The following SOS1 variants were observed in gnomAD, a reference collection of about 807,000 sequenced individuals.
SOS1 encodes son of sevenless homolog 1.
Under a neutral mutation model 157.6 loss-of-function variants are expected in SOS1, and 25 were observed. The ratio of observed to expected loss-of-function variants is 0.16; its 90% CI spans 0.12 to 0.22. SOS1 has a LOEUF of 0.22. SOS1 is among the 10% of genes least tolerant of loss of function. The probability of loss-of-function intolerance (pLI) is 1.00; values close to 1 mark genes in which losing one functional copy is unlikely to be tolerated. For synonymous variants in SOS1, 528 were observed against 534.0 expected (o/e 0.99, Z 0.16); for missense variants, 1,237 against 1,599.1 (o/e 0.77, Z 3.86).
chr2:39,026,302 C>G (rs1669959134), intron 8 of SOS1, among the ~76,000 whole-genome samples: 1 of 150,086 alleles, frequency 6.7e-6, no homozygotes, highest in African/African-American at 2.5e-5. Context: ...TTGCAGTGAG[C>G]CGTGATCGTG....
chr2:39,068,132 G>A (rs1671655337), intron 1 of SOS1, among the ~76,000 whole-genome samples: 1 of 151,984 alleles, frequency 6.6e-6, no homozygotes, highest in Non-Finnish European at 1.5e-5. Flanking sequence ...AATAAGAAGT[G>A]GGTTTGTATT....
At chr2:39,123,759 G>A (rs1359974667), upstream of SOS1, among the ~76,000 whole-genome samples, 1 of 152,224 alleles carries the variant, frequency 6.6e-6, no homozygotes, top group Non-Finnish European at 1.5e-5. Context: ...ATTGTCGAAG[G>A]AATAAAATGT....
chr2:39,103,969 C>A (rs963427791), intron 1 of SOS1, among the ~76,000 whole-genome samples: 18 of 152,064 alleles, frequency 1.2e-4, no homozygotes, highest in African/African-American at 4.3e-4. Context: ...ATCAAAAACA[C>A]AAACAACCAA....
At chr2:39,001,089 C>T (rs556325039) in intron 17 of SOS1, among the ~76,000 whole-genome samples, 4 of 152,304 alleles carry the variant, frequency 2.6e-5, no homozygotes, top group South Asian at 2.1e-4. Context: ...AACAGAGTCT[C>T]GCCTTGTCAC....
At chr2:39,111,063 T>C (rs1673414808) in intron 1 of SOS1, among the ~76,000 whole-genome samples, 1 of 152,188 alleles carries the variant, frequency 6.6e-6, no homozygotes, top group Non-Finnish European at 1.5e-5. Flanking sequence ...CGAAACCCTG[T>C]CTGTAATAAA....
At chr2:38,998,792 A>G (rs868604024) in intron 17 of SOS1, among the ~76,000 whole-genome samples, 1 of 152,022 alleles carries the variant, frequency 6.6e-6, no homozygotes, top group Middle Eastern at 3.4e-3. Context: ...TACTGATTAC[A>G]ATGCTTTGAG....
chr2:39,069,190 C>CAAAAAAAAAAAAAAA lies in SOS1; in HGVS notation c.88-1452_88-1438dup, dbSNP rs869178369. ...GGGAAAACCTGTCTCTACCAAAAAG[C>CAAAAAAAAAAAAAAA]AAAAAAAAAAAAAAAAAAAAAAAAA... is the stretch of plus-strand genomic sequence containing the variant. On this transcript the variant is annotated intron_variant, in intron 1 of 22. Transcript: ENST00000402219. Among the ~76,000 whole-genome samples the CAAAAAAAAAAAAAAA allele has an allele frequency of 8.6e-5, 4 of 46,760 alleles. 1 individual carries two copies. The highest frequency in any genetic ancestry group is 4.3e-4 in the Admixed American group (1 of 2,312). 30.7% of individuals were successfully genotyped at this position (46,760 alleles called of 152,430 possible).
At chr2:39,106,391 C>T (rs1415250432) in intron 1 of SOS1, among the ~76,000 whole-genome samples, 2 of 151,730 alleles carry the variant, frequency 1.3e-5, no homozygotes, top group Non-Finnish European at 2.9e-5. Flanking sequence ...GAGATCGAGA[C>T]CATCCCGGCT....
chr2:39,007,549 T>C (rs1344673430), intron 15 of SOS1: 1 of 209,708 alleles, frequency 4.8e-6, no homozygotes, highest in East Asian at 1.2e-4. Flanking sequence ...AAGAATTCTG[T>C]TGTGTTCTAT....
At chr2:39,028,066 C>G (rs754781688) in intron 8 of SOS1, among the ~76,000 whole-genome samples, 11 of 152,048 alleles carry the variant, frequency 7.2e-5, no homozygotes, top group Non-Finnish European at 1.6e-4. Context: ...CCTTGGCCTC[C>G]CAAAGTACTG....
At chr2:39,048,098 T>G (rs1670857742) in intron 6 of SOS1, among the ~76,000 whole-genome samples, 1 of 152,260 alleles carries the variant, frequency 6.6e-6, no homozygotes, top group Admixed American at 6.5e-5. Flanking sequence ...TTCTTACATC[T>G]AATGAAGTCC....
At chr2:39,036,098 G>C (rs774875243) in intron 6 of SOS1, among the ~76,000 whole-genome samples, 4 of 152,130 alleles carry the variant, frequency 2.6e-5, no homozygotes, top group Admixed American at 6.5e-5. Flanking sequence ...TACTGGTTTT[G>C]AAGATTTCTG....
chr2:38,995,014 G>A, intron 20 of SOS1, 109 bp downstream of exon 20: 2 of 848,052 alleles, frequency 2.4e-6, no homozygotes, highest in Non-Finnish European at 3.9e-6. Context: ...AATGGCATTT[G>A]ACTTAACTAC....
At position 38,989,342 on chromosome 2, in the gene SOS1, T is replaced by C. The variant is rs747050460; in HGVS notation, c.3347-28A>G. ...GTGAAAGGAAACAAGAAAAAGTAGATTTTTTTCTTTCATTGATATATTCAA... is the reference window on the plus strand; with the variant it reads ...GTGAAAGGAAACAAGAAAAAGTAGACTTTTTTCTTTCATTGATATATTCAA... On this transcript the variant is annotated intron_variant, in intron 20 of 22. Coordinates refer to ENST00000402219, the MANE Select transcript of SOS1 (RefSeq NM_005633.4). 8.5e-6 allele frequency: 13 copies of C among 1,536,596 alleles called. No individual in the cohort carries two copies. The Admixed American group carries it at 2.2e-4, about 26-fold the overall frequency.
chr2:39,049,675 CT>C (rs1670928393), intron 6 of SOS1, among the ~76,000 whole-genome samples: 1 of 152,028 alleles, frequency 6.6e-6, no homozygotes, highest in African/African-American at 2.4e-5. Flanking sequence ...GTTTTGTTTC[CT>C]TTTTTTCTCC....
In SOS1 at chr2:39,094,920, G is replaced by A. The variant is rs111524086; in HGVS notation, c.87+25416C>T. 2.6e-3 allele frequency among the ~76,000 whole-genome samples: 400 copies of A among 152,206 alleles called. 4 individuals are homozygous for A. The highest frequency in any genetic ancestry group is 8.9e-3 in the African/African-American group (370 of 41,530). ...CAAGCCATAAACCTGTTAGTCCAGT[G>A]GTTTTCAAAACTTTTAGATGGAGAG... On this transcript the variant is annotated intron_variant, in intron 1 of 22. Coordinates refer to ENST00000402219, the MANE Select transcript of SOS1 (RefSeq NM_005633.4).
intron 2 of SOS1, among the ~76,000 whole-genome samples, chr2:39,062,850 C>G (rs189579065): frequency 3.6e-4 from 55 of 151,914 alleles, no homozygotes; most frequent in African/African-American, 1.3e-3. Context: ...AGTTTAAATA[C>G]AGAAAATTAT....
intron 2 of SOS1, 128 bp downstream of exon 2, chr2:39,067,500 G>C (rs1671628798): frequency 1.2e-6 from 1 of 865,648 alleles, no homozygotes; most frequent in Non-Finnish European, 2.0e-6. Flanking sequence ...CCTGTAAAGA[G>C]TTAAATCCAG....
intron 1 of SOS1, among the ~76,000 whole-genome samples, chr2:39,083,283 A>T (rs1004045540): frequency 6.6e-6 from 1 of 152,112 alleles, no homozygotes; most frequent in Non-Finnish European, 1.5e-5. Flanking sequence ...TTTAAAGCAG[A>T]ATGGAATCTA....
Sources: allele counts gnomAD v4.1 joint callset (sites outside exome capture counted in the v4.1 genomes callset), GRCh38; gene constraint gnomAD v4.1.1; transcripts MANE v1.5; gene names NCBI Gene and HGNC (gene_info 2026-07-23, HGNC 2026-07-21).